SNX24: variants seen among roughly 807,000 people sequenced by gnomAD.
SNX24 encodes sorting nexin-24.
SNX24 carries 22 observed loss-of-function variants against 28.7 expected under a neutral mutation model. That is an observed-to-expected ratio of 0.77 (90% CI 0.55 to 1.10). SNX24 has a LOEUF of 1.10. Ranked by LOEUF, SNX24 falls within the 50% of genes least tolerant of loss-of-function variation. The pLI, the probability that SNX24 is intolerant of heterozygous loss-of-function variation, is 0.00. For missense variants in SNX24, 221 were observed against 201.1 expected, an observed-to-expected ratio of 1.10 and a Z score of -0.60; for synonymous variants, 69 against 71.5, an observed-to-expected ratio of 0.96 and a Z score of 0.18.
chr5:122,897,776 T>A (rs1160346674), intron 1 of SNX24, among the ~76,000 whole-genome samples: 1 of 152,218 alleles, frequency 6.6e-6, no homozygotes, highest in East Asian at 1.9e-4. Context: ...AGAAACTGTT[T>A]CCTATCTTGT....
At chr5:122,987,388 C>A (rs1761648234) in intron 3 of SNX24, among the ~76,000 whole-genome samples, 1 of 152,178 alleles carries the variant, frequency 6.6e-6, no homozygotes, top group Non-Finnish European at 1.5e-5. Flanking sequence ...TTTTAACAAG[C>A]CCTCTAGGCG....
At chr5:122,999,455 T>TACACACACAC (rs71928842) in intron 3 of SNX24, among the ~76,000 whole-genome samples, 4 of 149,854 alleles carry the variant, frequency 2.7e-5, no homozygotes, top group Admixed American at 1.3e-4. Context: ...TGTGGGGAGA[T>TACACACACAC]ACACACACAC....
intron 1 of SNX24, among the ~76,000 whole-genome samples, chr5:122,878,280 T>C (rs1473600025): frequency 6.6e-6 from 1 of 152,128 alleles, no homozygotes; most frequent in Non-Finnish European, 1.5e-5. Flanking sequence ...TGTGTGGTTC[T>C]GGAGACCCAG....
intron 1 of SNX24, among the ~76,000 whole-genome samples, chr5:122,846,197 C>G (rs911199157): frequency 6.6e-6 from 1 of 151,214 alleles, no homozygotes; most frequent in African/African-American, 2.4e-5. Flanking sequence ...AAAGATTTTT[C>G]TTTTTGAGTT....
intron 1 of SNX24, 96 bp downstream of exon 1, chr5:122,845,789 G>A (rs970237969): frequency 1.5e-6 from 1 of 665,322 alleles, no homozygotes; most frequent in African/African-American, 1.9e-5. Context: ...TTGGCGCAGG[G>A]GGTCCCCTCG....
chr5:122,890,612 G>A (rs1756930818), intron 1 of SNX24, among the ~76,000 whole-genome samples: 1 of 151,830 alleles, frequency 6.6e-6, no homozygotes. Flanking sequence ...TGGAATTACA[G>A]GCGCCCGCCA....
intron 1 of SNX24, among the ~76,000 whole-genome samples, chr5:122,920,436 A>G (rs1181521989): frequency 6.6e-6 from 1 of 152,270 alleles, no homozygotes; most frequent in African/African-American, 2.4e-5. Flanking sequence ...TTTGAATGGT[A>G]CAGTAAGCAT....
intron 1 of SNX24, among the ~76,000 whole-genome samples, chr5:122,924,000 A>G (rs1443541961): frequency 6.6e-6 from 1 of 152,204 alleles, no homozygotes; most frequent in Non-Finnish European, 1.5e-5. Context: ...ATAGTACTTC[A>G]TGGTGTGTTG....
At chr5:122,933,369 G>C (rs1003091855) in intron 1 of SNX24, among the ~76,000 whole-genome samples, 1 of 152,182 alleles carries the variant, frequency 6.6e-6, no homozygotes, top group Non-Finnish European at 1.5e-5. Flanking sequence ...GAATACTTGA[G>C]GGAGGCCTCC....
intron 1 of SNX24, among the ~76,000 whole-genome samples, chr5:122,931,153 C>T (rs959728347): frequency 2.0e-5 from 3 of 152,124 alleles, no homozygotes; most frequent in East Asian, 1.9e-4. Context: ...ATGAGAAAAA[C>T]GCTTCTTCCC....
At chr5:122,945,184 A>G (rs927960284) in intron 2 of SNX24, among the ~76,000 whole-genome samples, 4 of 152,170 alleles carry the variant, frequency 2.6e-5, no homozygotes, top group African/African-American at 7.2e-5. Flanking sequence ...CGTCAGAGTC[A>G]GAGACATTGT....
intron 3 of SNX24, among the ~76,000 whole-genome samples, chr5:122,980,795 A>T (rs1025371451): frequency 5.3e-5 from 8 of 151,770 alleles, no homozygotes; most frequent in African/African-American, 1.7e-4. Flanking sequence ...GTGGGAAAAG[A>T]GTATTTGGCA....
At chr5:122,977,139 G>C (rs984548253) in intron 3 of SNX24, among the ~76,000 whole-genome samples, 3 of 152,186 alleles carry the variant, frequency 2.0e-5, no homozygotes, top group Non-Finnish European at 4.4e-5. Flanking sequence ...TTCCTTTGAA[G>C]TGAAGAAATG....
chr5:122,873,772 T>C (rs1756093685), intron 1 of SNX24, among the ~76,000 whole-genome samples: 1 of 149,306 alleles, frequency 6.7e-6, no homozygotes, highest in African/African-American at 2.5e-5. Flanking sequence ...TTTTTTTTTT[T>C]TTTTTTTTTT....
At chr5:122,927,723 A>C (rs1236639692) in intron 1 of SNX24, among the ~76,000 whole-genome samples, 3 of 152,186 alleles carry the variant, frequency 2.0e-5, no homozygotes, top group Non-Finnish European at 2.9e-5. Flanking sequence ...AAAGGCCCCT[A>C]TTTGACTTCT....
At chr5:123,003,685 G>C (rs2150178131) in intron 6 of SNX24, among the ~76,000 whole-genome samples, 1 of 152,324 alleles carries the variant, frequency 6.6e-6, no homozygotes, top group African/African-American at 2.4e-5. Flanking sequence ...CCTACCATGT[G>C]CTCTATGCCT....
At chr5:122,877,998 C>G (rs543318706) in intron 1 of SNX24, among the ~76,000 whole-genome samples, 1 of 152,228 alleles carries the variant, frequency 6.6e-6, no homozygotes, top group South Asian at 2.1e-4. Context: ...CTGGCTTTTC[C>G]TGGACTGGCA....
intron 1 of SNX24, among the ~76,000 whole-genome samples, chr5:122,890,471 ATTTTT>A (rs1161406947): frequency 7.2e-6 from 1 of 138,916 alleles, no homozygotes; most frequent in Non-Finnish European, 1.5e-5. Flanking sequence ...TTTAGAGGGG[ATTTTT>A]TTTTTTTTTT....
At position 122,860,358 on chromosome 5, in the gene SNX24, T is replaced by C. The variant is rs1581677551; in HGVS notation, c.60+14665T>C. ...CAGAGTTTAGTCCTCATAATTAACA[T>C]AAGACATAGACTGACCATTGATGTG... On this transcript the variant is annotated intron_variant, in intron 1 of 6. Transcript: ENST00000261369. Among the ~76,000 whole-genome samples the C allele has an allele frequency of 2.0e-5, 3 of 152,176 alleles. 1 individual carries two copies. Among genetic ancestry groups the C allele is most frequent in the Admixed American group, 2.0e-4 (3 of 15,276 alleles).
Sources: allele counts gnomAD v4.1 joint callset (sites outside exome capture counted in the v4.1 genomes callset), GRCh38; gene constraint gnomAD v4.1.1; transcripts MANE v1.5; gene names NCBI Gene and HGNC (gene_info 2026-07-23, HGNC 2026-07-21).